ST8SIA6: variants seen among roughly 807,000 people sequenced by gnomAD.
The protein encoded by ST8SIA6 is alpha-2,8-sialyltransferase 8F.
A neutral mutation model predicts 33.6 loss-of-function variants in ST8SIA6; 39 were observed. The ratio of observed to expected loss-of-function variants is 1.16; its 90% CI spans 0.90 to 1.52. The LOEUF (loss-of-function observed/expected upper bound fraction) is 1.52, where lower values mean the gene tolerates loss of function less well. Among genes scored for constraint, ST8SIA6 ranks in the 40% most tolerant of loss-of-function variants. ST8SIA6 has a pLI of 0.00. For missense variants in ST8SIA6, 441 were observed against 443.8 expected (o/e 0.99, Z 0.06); for synonymous variants, 172 against 167.2 (o/e 1.03, Z -0.22).
chr10:17,379,800 CTGAG>C (rs781066529), intron 3 of ST8SIA6, among the ~76,000 whole-genome samples: 3 of 152,194 alleles, frequency 2.0e-5, no homozygotes, highest in Non-Finnish European at 2.9e-5. Context: ...TGTCCTGAGG[CTGAG>C]TAACAGGTGT....
rs1314233826 is a variant in ST8SIA6, at chr10:17,350,216, A to G, written c.377+9298T>C. On this transcript the variant is annotated intron_variant, in intron 4 of 7. Coordinates refer to ENST00000377602, the MANE Select transcript of ST8SIA6 (RefSeq NM_001004470.3). ...GTGACCAGTTTGAAGGTCATGGAATAAGTAGAAGGTACTATGAAAGAGTAG... is the reference window on the plus strand; with the variant it reads ...GTGACCAGTTTGAAGGTCATGGAATGAGTAGAAGGTACTATGAAAGAGTAG... Among the ~76,000 whole-genome samples, 4 of 152,334 alleles carry G rather than the reference A, an allele frequency of 2.6e-5. No individual in the cohort carries two copies. In the East Asian group the frequency reaches 7.7e-4, roughly 29 times the overall value.
intron 2 of ST8SIA6, among the ~76,000 whole-genome samples, chr10:17,430,993 G>A (rs1324922908): frequency 6.6e-6 from 1 of 152,128 alleles, no homozygotes; most frequent in East Asian, 1.9e-4. Flanking sequence ...GGCACCAAGC[G>A]AGACATTTAT....
chr10:17,342,596 A>G lies in ST8SIA6; in HGVS notation c.378-11044T>C, dbSNP rs564815430. ...CTAATTAAAGATTAAAAGGGCCTAC[A>G]TGAAACAAGTAATTTTAAAGTTGAA... On this transcript the variant is annotated intron_variant, in intron 4 of 7. Coordinates refer to ENST00000377602, the MANE Select transcript of ST8SIA6 (RefSeq NM_001004470.3). Among the ~76,000 whole-genome samples, 13 of 152,344 alleles carry G rather than the reference A, an allele frequency of 8.5e-5. No homozygotes were observed. The East Asian group carries it at 1.5e-3, about 18-fold the overall frequency.
chr10:17,375,179 G>A (rs1411381177), intron 3 of ST8SIA6, among the ~76,000 whole-genome samples: 4 of 152,050 alleles, frequency 2.6e-5, no homozygotes, highest in East Asian at 1.9e-4. Flanking sequence ...TGTACACATC[G>A]CTTTAAAAAG....
At chr10:17,442,778 A>G (rs1178107517) in intron 2 of ST8SIA6, among the ~76,000 whole-genome samples, 1 of 152,220 alleles carries the variant, frequency 6.6e-6, no homozygotes, top group Non-Finnish European at 1.5e-5. Context: ...CAATTAGAAA[A>G]TGTTATTTTA....
At chr10:17,329,599 G>A (rs565684453) in intron 5 of ST8SIA6, among the ~76,000 whole-genome samples, 1 of 152,222 alleles carries the variant, frequency 6.6e-6, no homozygotes, top group East Asian at 1.9e-4. Context: ...GATAGGGTAG[G>A]ATGCAAAAAT....
intron 2 of ST8SIA6, chr10:17,410,289 G>A (rs1851410658): frequency 6.6e-6 from 1 of 152,156 alleles, no homozygotes; most frequent in African/African-American, 2.4e-5. Flanking sequence ...AGTATAAATA[G>A]CAAGTGATAT....
Position 17,331,615 on chromosome 10 carries a change from C to T in ST8SIA6, c.378-63G>A, listed in dbSNP as rs1848302977. On this transcript the variant is annotated intron_variant, in intron 4 of 7. Coordinates refer to ENST00000377602, the MANE Select transcript of ST8SIA6 (RefSeq NM_001004470.3). ...AGATTAAGAAACCGAAAATGCAGAC[C>T]ACGATGGACAATGCCGAAGAGGATT... 1.9e-5 allele frequency: 29 copies of T among 1,500,500 alleles called. 1 individual carries two copies. In the South Asian group the frequency reaches 3.6e-4, roughly 19 times the overall value. 92.9% of individuals were successfully genotyped at this position (1,500,500 alleles called of 1,614,324 possible).
chr10:17,413,752 G>A (rs2131697964), intron 2 of ST8SIA6, among the ~76,000 whole-genome samples: 1 of 152,256 alleles, frequency 6.6e-6, no homozygotes, highest in African/African-American at 2.4e-5. Context: ...TTTTGTTCAT[G>A]ATAGTTGTAG....
chr10:17,414,679 G>T (rs1851551000), intron 2 of ST8SIA6, among the ~76,000 whole-genome samples: 1 of 152,226 alleles, frequency 6.6e-6, no homozygotes, highest in African/African-American at 2.4e-5. Context: ...TTTTCTTGGT[G>T]CATGCATGAG....
chr10:17,422,264 T>G (rs1564456913), intron 2 of ST8SIA6, among the ~76,000 whole-genome samples: 1 of 152,212 alleles, frequency 6.6e-6, no homozygotes, highest in Non-Finnish European at 1.5e-5. Flanking sequence ...TCTAAAACGT[T>G]TGTGAAATAC....
chr10:17,452,527 A>G (rs76033200), intron 2 of ST8SIA6, among the ~76,000 whole-genome samples: 3,972 of 152,308 alleles, frequency 0.026, 56 homozygotes, highest in South Asian at 0.053. Context: ...CGAGGAAGCA[A>G]CTGACAATGT....
intron 3 of ST8SIA6, among the ~76,000 whole-genome samples, chr10:17,362,905 T>C (rs537658080): frequency 2.0e-4 from 31 of 152,108 alleles, no homozygotes; most frequent in Non-Finnish European, 4.0e-4. Flanking sequence ...AGAGACGAGG[T>C]TTCACCATGT....
intron 3 of ST8SIA6, among the ~76,000 whole-genome samples, chr10:17,361,379 T>C (rs28771075): frequency 2.0e-5 from 3 of 151,956 alleles, no homozygotes; most frequent in African/African-American, 7.2e-5. Context: ...TATGCCAAAA[T>C]AGTTGGTGAC....
At chr10:17,422,251 T>C (rs10508528) in intron 2 of ST8SIA6, among the ~76,000 whole-genome samples, 4,397 of 152,306 alleles carry the variant, frequency 0.029, 66 homozygotes, top group South Asian at 0.056. Flanking sequence ...AAGAGTCAAC[T>C]GTTCTAAAAC....
At chr10:17,436,085 G>A (rs548062371) in intron 2 of ST8SIA6, among the ~76,000 whole-genome samples, 72 of 152,226 alleles carry the variant, frequency 4.7e-4, no homozygotes, top group Non-Finnish European at 7.6e-4. Flanking sequence ...CACCTGCTGC[G>A]ACTCTAAGAC....
chr10:17,446,881 C>CA (rs539808399), intron 2 of ST8SIA6, among the ~76,000 whole-genome samples: 8,565 of 133,470 alleles, frequency 0.064, 268 homozygotes, highest in African/African-American at 0.079. Flanking sequence ...TGGTGTCTAC[C>CA]AAAAAAAAAA....
intron 3 of ST8SIA6, among the ~76,000 whole-genome samples, chr10:17,372,413 G>A (rs1325601140): frequency 6.6e-6 from 1 of 152,132 alleles, no homozygotes; most frequent in Non-Finnish European, 1.5e-5. Context: ...GTGGTGCCTC[G>A]GAGTAGTGGA....
intron 4 of ST8SIA6, among the ~76,000 whole-genome samples, chr10:17,336,272 A>G (rs754886467): frequency 6.6e-6 from 1 of 152,116 alleles, no homozygotes; most frequent in Non-Finnish European, 1.5e-5. Flanking sequence ...CTTAAATTAT[A>G]TATTTTAAAT....
Sources: allele counts gnomAD v4.1 joint callset (sites outside exome capture counted in the v4.1 genomes callset), GRCh38; gene constraint gnomAD v4.1.1; transcripts MANE v1.5; gene names NCBI Gene and HGNC (gene_info 2026-07-23, HGNC 2026-07-21).